Variants in ELP1 observed in about 807,000 individuals in gnomAD.
ELP1 encodes the protein elongator acetyltransferase complex subunit 1, also known as elongator complex protein 1.
A neutral mutation model predicts 183.2 loss-of-function variants in ELP1; 131 were observed. That is an observed-to-expected ratio of 0.72 (90% CI 0.62 to 0.83). ELP1 has a LOEUF of 0.83. Ranked by LOEUF, ELP1 falls within the 40% of genes least tolerant of loss-of-function variation. ELP1 has a pLI of 0.00. For missense variants in ELP1, 1,550 were observed against 1,594.9 expected (o/e 0.97, Z 0.48); for synonymous variants, 555 against 569.0 (o/e 0.98, Z 0.35).
intron 10 of ELP1, among the ~76,000 whole-genome samples, chr9:108,913,020 A>T (rs1829290684): frequency 6.6e-6 from 1 of 151,822 alleles, no homozygotes; most frequent in Non-Finnish European, 1.5e-5. Flanking sequence ...TCGGCCTCCC[A>T]AAGTGCTGAG....
intron 35 of ELP1, 112 bp from the exon 36 acceptor site, chr9:108,875,082 T>C (rs1827655966): frequency 3.9e-6 from 3 of 773,456 alleles, no homozygotes; most frequent in Admixed American, 3.5e-5. Context: ...TCTACTGGTA[T>C]GGTGTGAAAC....
intron 11 of ELP1, among the ~76,000 whole-genome samples, chr9:108,911,383 T>C (rs546074543): frequency 1.3e-5 from 2 of 152,320 alleles, no homozygotes; most frequent in East Asian, 3.9e-4. Context: ...TTGTCACCTC[T>C]AGGCCTAGGG....
At chr9:108,874,767 A>C (rs1587867431) in intron 36 of ELP1, 128 bp downstream of exon 36, 1 of 722,586 alleles carries the variant, frequency 1.4e-6, no homozygotes, top group Admixed American at 1.9e-5. Flanking sequence ...TTGAGGAAGA[A>C]TTGTAGTCAA....
At chr9:108,898,644 A>T in intron 21 of ELP1, 27 bp downstream of exon 21, 1 of 1,595,560 alleles carries the variant, frequency 6.3e-7, no homozygotes, top group Non-Finnish European at 8.6e-7. Flanking sequence ...AAAGTAAGCT[A>T]GAGTAAATGA....
At chr9:108,932,025 T>A (rs920038019) in intron 1 of ELP1, among the ~76,000 whole-genome samples, 10 of 152,200 alleles carry the variant, frequency 6.6e-5, no homozygotes, top group African/African-American at 2.4e-4. Flanking sequence ...AGGCTTATGA[T>A]TGTAAGTCCC....
intron 6 of ELP1, among the ~76,000 whole-genome samples, chr9:108,922,042 G>A (rs1829666477): frequency 6.6e-6 from 1 of 152,168 alleles, no homozygotes; most frequent in Non-Finnish European, 1.5e-5. Flanking sequence ...GCTTCTAAAT[G>A]TTATGAGGAT....
intron 5 of ELP1, 54 bp from the exon 6 acceptor site, chr9:108,922,981 A>G: frequency 8.0e-7 from 1 of 1,248,666 alleles, no homozygotes; most frequent in South Asian, 1.2e-5. Flanking sequence ...AAACAAAAAC[A>G]GTTTCACTGC....
chr9:108,905,865 G>GTATA (rs1564091518), intron 14 of ELP1, among the ~76,000 whole-genome samples: 1 of 83,826 alleles, frequency 1.2e-5, no homozygotes, highest in Non-Finnish European at 2.3e-5. Context: ...GAAAAGGTAT[G>GTATA]TATACACACA....
At chr9:108,897,812 T>C (rs1387700466) in intron 22 of ELP1, among the ~76,000 whole-genome samples, 2 of 152,200 alleles carry the variant, frequency 1.3e-5, no homozygotes, top group East Asian at 1.9e-4. Context: ...GTAAATGCCC[T>C]CTAACTTGAC....
At chr9:108,924,161 G>A (rs1402004396) in intron 5 of ELP1, among the ~76,000 whole-genome samples, 4 of 152,190 alleles carry the variant, frequency 2.6e-5, no homozygotes, top group Non-Finnish European at 2.9e-5. Flanking sequence ...GGTTACAGCA[G>A]GGATTTGCAA....
intron 5 of ELP1, among the ~76,000 whole-genome samples, chr9:108,924,435 T>C (rs1829764336): frequency 6.6e-6 from 1 of 152,080 alleles, no homozygotes; most frequent in Non-Finnish European, 1.5e-5. Flanking sequence ...ACCTAAGATC[T>C]TAACTTGGCC....
chr9:108,921,667 C>T (rs1293963439), intron 6 of ELP1, among the ~76,000 whole-genome samples: 5 of 152,030 alleles, frequency 3.3e-5, no homozygotes, highest in African/African-American at 1.2e-4. Flanking sequence ...GGATCACCCC[C>T]AAAGAAGCAA....
At chr9:108,895,361 T>A (rs1828500148) in intron 25 of ELP1, among the ~76,000 whole-genome samples, 1 of 152,166 alleles carries the variant, frequency 6.6e-6, no homozygotes, top group Non-Finnish European at 1.5e-5. Context: ...AATGGCTTAC[T>A]GGGAAGAGGC....
rs1828401309 is a variant in ELP1 at position 108,892,983 on chromosome 9, T to C, written c.2958+3A>G. 2 of 1,606,246 alleles carry C rather than the reference T, an allele frequency of 1.2e-6. No homozygotes were observed. The highest frequency in any genetic ancestry group is 2.2e-5 in the South Asian group (2 of 90,930). ...GAGAGCCTCATTTTCACATACCACA[T>C]ACCTGGTACTGTTGTGAGCTTGGTG... On this transcript the variant is annotated splice_donor_region_variant and intron_variant, in intron 27 of 36. Coordinates refer to ENST00000374647, the MANE Select transcript of ELP1 (RefSeq NM_003640.5).
chr9:108,930,605 G>C (rs796270545), intron 2 of ELP1, among the ~76,000 whole-genome samples: 104 of 151,632 alleles, frequency 6.9e-4, no homozygotes, highest in African/African-American at 2.4e-3. Flanking sequence ...CAGGAGAATG[G>C]TGTGAACCCG....
At chr9:108,887,416 G>T (rs1049611751) in intron 29 of ELP1, among the ~76,000 whole-genome samples, 4 of 152,124 alleles carry the variant, frequency 2.6e-5, no homozygotes, top group Non-Finnish European at 5.9e-5. Flanking sequence ...TATATTTATA[G>T]AAACCATGTT....
chr9:108,919,950 T>C (rs899084380), intron 6 of ELP1, among the ~76,000 whole-genome samples: 4 of 152,170 alleles, frequency 2.6e-5, no homozygotes, highest in African/African-American at 9.7e-5. Flanking sequence ...TTCATCATCA[T>C]ATTCTAGTAA....
rs752988049 is a variant in ELP1, at chr9:108,878,107, A to G, written c.3743T>C (p.Phe1248Ser). The change falls in exon 35 of 37, where the codon TTT becomes TCT. Residue 1248 changes from phenylalanine to serine, a missense_variant. Phe to Ser is a radical substitution (Grantham distance 155). Transcript: ENST00000374647. ...HILKVLFLFE[F>S]DEQGRELQKA... ...CTGTAATTCCCTTCCTTGTTCATCAAACTCAAAGAGAAAGAGTACCTTTAA... is the reference window on the plus strand; with the variant it reads ...CTGTAATTCCCTTCCTTGTTCATCAGACTCAAAGAGAAAGAGTACCTTTAA... 1 of 1,612,414 alleles carries G rather than the reference A, an allele frequency of 6.2e-7. No individual in the cohort carries two copies. Among genetic ancestry groups the G allele is most frequent in the Admixed American group, 1.7e-5 (1 of 60,032 alleles).
At chr9:108,879,706 G>A in intron 32 of ELP1, 149 bp from the exon 33 acceptor site, 1 of 709,866 alleles carries the variant, frequency 1.4e-6, no homozygotes, top group Non-Finnish European at 2.6e-6. Context: ...AAATGAATGA[G>A]ATAATATTAA....
Sources: allele counts gnomAD v4.1 joint callset (sites outside exome capture counted in the v4.1 genomes callset), GRCh38; gene constraint gnomAD v4.1.1; transcripts MANE v1.5; gene names NCBI Gene and HGNC (gene_info 2026-07-23, HGNC 2026-07-21).